RNASEH2B: variants seen among roughly 807,000 people sequenced by gnomAD.
RNASEH2B encodes ribonuclease H2 subunit B.
Under a neutral mutation model 45.0 loss-of-function variants are expected in RNASEH2B, and 36 were observed. The observed-to-expected ratio is 0.80, with a 90% CI of 0.61 to 1.06. The LOEUF is 1.06. Ranked by LOEUF, RNASEH2B falls within the 50% of genes least tolerant of loss-of-function variation. RNASEH2B has a pLI of 0.00. For synonymous variants in RNASEH2B, 119 were observed against 125.7 expected (o/e 0.95, Z 0.35); for missense variants, 361 against 360.3 (o/e 1.00, Z -0.02).
intron 9 of RNASEH2B, 115 bp downstream of exon 9, chr13:50,949,620 G>A (rs1475747148): frequency 1.1e-6 from 1 of 910,152 alleles, no homozygotes; most frequent in Non-Finnish European, 1.8e-6. Context: ...ATTTTGCATG[G>A]AGTGATGCCA....
chr13:50,926,475 C>G (rs993397882), intron 1 of RNASEH2B, among the ~76,000 whole-genome samples: 1 of 151,932 alleles, frequency 6.6e-6, no homozygotes, highest in Non-Finnish European at 1.5e-5. Flanking sequence ...AAGAGTGTTA[C>G]CAATAAAATT....
rs1951727233 is a variant in RNASEH2B at position 50,934,930 on chromosome 13, C to A, written c.367C>A (p.Pro123Thr). 2.5e-6 allele frequency: 4 copies of A among 1,614,010 alleles called. No individual in the cohort carries two copies. The East Asian group carries it at 8.9e-5, about 36-fold the overall frequency. The change falls in exon 5 of 11, where the codon CCA (proline) becomes ACA (threonine). Residue 123 changes from proline (P) to threonine (T), a missense_variant. By Grantham distance (38) the Pro-to-Thr change is conservative (BLOSUM62 -1). Coordinates refer to ENST00000336617, the MANE Select transcript of RNASEH2B (RefSeq NM_024570.4). ...TCAAGTTGTGGTGGATAACGTGTTT[C>A]CAAATTGCATCTTGTTGCTGAAACT... Reference protein sequence around the residue: ...LDQVVVDNVFPNCILLLKLPG... With the variant: ...LDQVVVDNVFTNCILLLKLPG...
chr13:50,963,522 G>A (rs553111731), intron 9 of RNASEH2B, among the ~76,000 whole-genome samples: 31 of 152,092 alleles, frequency 2.0e-4, no homozygotes, highest in Non-Finnish European at 4.0e-4. Flanking sequence ...ATGTCTTCCC[G>A]TATCTGTTCT....
chr13:50,944,049 C>T (rs1364308602), intron 6 of RNASEH2B, among the ~76,000 whole-genome samples: 6 of 87,968 alleles, frequency 6.8e-5, no homozygotes, highest in South Asian at 3.8e-4. Flanking sequence ...TGGGACGGGA[C>T]GGGATGGGAT....
At chr13:50,942,867 C>G (rs1248072070) in intron 5 of RNASEH2B, 1 of 160,270 alleles carries the variant, frequency 6.2e-6, no homozygotes, top group East Asian at 1.9e-4. Flanking sequence ...GTGGGGGTTT[C>G]CACGTTAGAC....
chr13:50,940,094 T>C (rs1347921488), intron 5 of RNASEH2B, among the ~76,000 whole-genome samples: 1 of 152,218 alleles, frequency 6.6e-6, no homozygotes, highest in African/African-American at 2.4e-5. Context: ...AAGGAACTAC[T>C]GCTAGCTGCA....
Position 50,945,691 on chromosome 13 carries a change from C to T in RNASEH2B, c.616+159C>T, listed in dbSNP as rs375189960. 8.5e-5 allele frequency among the ~76,000 whole-genome samples: 13 copies of T among 152,230 alleles called. No individual in the cohort carries two copies. In the South Asian group the frequency reaches 1.5e-3, roughly 17 times the overall value. On this transcript the variant is annotated intron_variant, in intron 7 of 10. Coordinates refer to ENST00000336617, the MANE Select transcript of RNASEH2B (RefSeq NM_024570.4). The stretch of plus-strand genomic sequence containing the variant: ...GCAGGTGTGCATCTTATTTCAGAAG[C>T]GAAGAATATTTCTACCATAGGTTAC...
At chr13:50,921,778 A>G (rs1170201753) in intron 1 of RNASEH2B, among the ~76,000 whole-genome samples, 1 of 152,236 alleles carries the variant, frequency 6.6e-6, no homozygotes, top group Admixed American at 6.5e-5. Flanking sequence ...CCCTGAGATT[A>G]GCCAAAGGCT....
At chr13:50,927,612 A>G in intron 2 of RNASEH2B, 134 bp downstream of exon 2, 1 of 693,912 alleles carries the variant, frequency 1.4e-6, no homozygotes, top group Non-Finnish European at 2.7e-6. Context: ...AGAAGAAAAC[A>G]AGGTGATGAC....
At chr13:50,922,916 A>G (rs1036378449) in intron 1 of RNASEH2B, among the ~76,000 whole-genome samples, 1 of 152,256 alleles carries the variant, frequency 6.6e-6, no homozygotes, top group Non-Finnish European at 1.5e-5. Context: ...GAACTAAAGA[A>G]CATCATGTCT....
At chr13:50,917,924 T>C (rs887882328) in intron 1 of RNASEH2B, among the ~76,000 whole-genome samples, 1 of 152,120 alleles carries the variant, frequency 6.6e-6, no homozygotes, top group Non-Finnish European at 1.5e-5. Context: ...TTTTCCTGCT[T>C]CCCACATAGT....
At chr13:50,916,643 A>C (rs531145418) in intron 1 of RNASEH2B, among the ~76,000 whole-genome samples, 1 of 152,244 alleles carries the variant, frequency 6.6e-6, no homozygotes, top group African/African-American at 2.4e-5. Flanking sequence ...TTCAAAAGCC[A>C]TTCAAAGCAG....
chr13:50,963,151 T>G (rs751020774), intron 9 of RNASEH2B, among the ~76,000 whole-genome samples: 3 of 152,012 alleles, frequency 2.0e-5, no homozygotes, highest in Non-Finnish European at 4.4e-5. Context: ...CTTTAAATAT[T>G]GTAATTTTAT....
At chr13:50,951,869 G>A (rs896562282) in intron 9 of RNASEH2B, 4 of 151,936 alleles carry the variant, frequency 2.6e-5, no homozygotes, top group South Asian at 2.1e-4. Flanking sequence ...ACTTGTAACT[G>A]GTATCTTGTT....
At position 50,948,182 on chromosome 13, in the gene RNASEH2B, T is replaced by G. The variant is rs1951930040; in HGVS notation, c.698+114T>G. ...ACTGTTTATGATACAAGATTATTCT[T>G]CAGCTATGTCATATACTTTGTGCTT... On this transcript the variant is annotated intron_variant, in intron 8 of 10. Coordinates refer to ENST00000336617, the MANE Select transcript of RNASEH2B (RefSeq NM_024570.4). 2.0e-6 allele frequency: 3 copies of G among 1,520,684 alleles called. No individual in the cohort carries two copies. The South Asian group carries it at 3.5e-5, about 18-fold the overall frequency. 94.2% of individuals were successfully genotyped at this position (1,520,684 alleles called of 1,614,324 possible). A position where few individuals can be genotyped will look rare whatever the true frequency, so the allele number is the denominator to read the frequency against.
At chr13:50,947,386 AGTGTGTGTGTGTGTGTGTGT>A (rs34501133) in intron 7 of RNASEH2B, among the ~76,000 whole-genome samples, 17 of 145,994 alleles carry the variant, frequency 1.2e-4, no homozygotes, top group African/African-American at 4.3e-4. Context: ...TTAGTTTGGG[AGTGTGTGTGTGTGTGTGTGT>A]GTGTGTGTGT....
At chr13:50,970,013 C>T (rs1952204862) in exon 10 of RNASEH2B, 12 of 1,533,268 alleles carry the variant, frequency 7.8e-6, no homozygotes, top group Non-Finnish European at 9.7e-6. Context: ...CAACTTCAGA[C>T]ACTCCCAGAG....
chr13:50,930,735 C>T lies in RNASEH2B; in HGVS notation c.297C>T (p.His99=). The T allele has an allele frequency of 1.2e-6, 2 of 1,613,744 alleles. No individual in the cohort carries two copies. The highest frequency in any genetic ancestry group is 1.1e-5 in the South Asian group (1 of 91,080). The stretch of plus-strand genomic sequence containing the variant: ...TGGATCCTCTATTTCTGCTTCTCCA[C>T]TACCTCATAAAGGCTGATAAGGAGG... ...TPVDPLFLLL[H]YLIKADKEGK... The change falls in exon 4 of 11, where the codon CAC becomes CAT. Residue 99 remains histidine, a synonymous_variant. Transcript: ENST00000336617.
chr13:50,913,016 C>T (rs1375914711), intron 1 of RNASEH2B: 1 of 152,204 alleles, frequency 6.6e-6, no homozygotes, highest in East Asian at 1.9e-4. Flanking sequence ...TTTGGAGAAG[C>T]TGGCTATCTC....
Sources: gnomAD v4.1 joint callset for allele counts (sites outside exome capture counted in the v4.1 genomes callset) on GRCh38, gnomAD v4.1.1 for gene constraint, MANE v1.5 for transcripts, NCBI Gene and HGNC (gene_info 2026-07-23, HGNC 2026-07-21) for gene names.